NCAPD3: variants seen among roughly 807,000 people sequenced by gnomAD.
The protein encoded by NCAPD3 is condensin-2 complex subunit D3.
A neutral mutation model predicts 182.9 loss-of-function variants in NCAPD3; 105 were observed. The ratio of observed to expected loss-of-function variants is 0.57; its 90% CI spans 0.49 to 0.68. The LOEUF is 0.68. Ranked by LOEUF, NCAPD3 falls within the 30% of genes least tolerant of loss-of-function variation. NCAPD3 has a pLI of 0.00. For synonymous variants in NCAPD3, 815 were observed against 679.9 expected (o/e 1.20, Z -3.09); for missense variants, 1,944 against 1,837.0 (o/e 1.06, Z -1.07).
chr11:134,216,110 G>A (rs903254669), intron 3 of NCAPD3, among the ~76,000 whole-genome samples: 14 of 152,062 alleles, frequency 9.2e-5, no homozygotes, highest in African/African-American at 3.4e-4. Context: ...AGTTACAACC[G>A]AGACACTGCT....
rs778069813 is a variant in NCAPD3 at position 134,168,499 on chromosome 11, T to C, written c.3343A>G (p.Ile1115Val). ...EHFTDEQRFN[I>V]TSKICLSILA... Reference sequence around the variant, plus strand: ...ATACTAAGGCAGATTTTGGAAGTGATGTTGAATCGCTGTTCATCTGTGAAG... The same window carrying C: ...ATACTAAGGCAGATTTTGGAAGTGACGTTGAATCGCTGTTCATCTGTGAAG... The change falls in exon 26 of 35, where the codon ATC (isoleucine) becomes GTC (valine). Residue 1115 changes from isoleucine (I) to valine (V), a missense_variant. Physicochemically the swap from Ile to Val is conservative, Grantham distance 29. This residue lies in a region of NCAPD3 where 1,803 missense variants were observed against 1,674.6 expected (regional missense o/e 1.08). Transcript: ENST00000534548. The C allele has an allele frequency of 3.1e-6, 5 of 1,614,130 alleles. No homozygotes were observed. The highest frequency in any genetic ancestry group is 1.1e-5 in the South Asian group (1 of 91,094).
In NCAPD3 at chr11:134,152,849, G is replaced by T. The variant is rs923369884; in HGVS notation, c.*95C>A. The T allele has an allele frequency of 3.0e-6, 3 of 994,560 alleles. No individual in the cohort carries two copies. The highest frequency in any genetic ancestry group is 1.6e-5 in the South Asian group (1 of 61,504). The allele number at this position is 994,560 out of a possible 1,614,324, so 61.6% of individuals were successfully genotyped here. A position where few individuals can be genotyped will look rare whatever the true frequency, so the allele number is the denominator to read the frequency against. Reference sequence around the variant, plus strand: ...GTTCCACAGCAAAGCGCTGCCCAAGGACTGCGGGAAGTGATCCAGCTGCCT... The same window carrying T: ...GTTCCACAGCAAAGCGCTGCCCAAGTACTGCGGGAAGTGATCCAGCTGCCT... On this transcript the variant is annotated 3_prime_UTR_variant, in exon 35 of 35. Transcript: ENST00000534548.
intron 27 of NCAPD3, among the ~76,000 whole-genome samples, chr11:134,164,786 T>A (rs889107057): frequency 1.4e-5 from 2 of 138,440 alleles, no homozygotes; most frequent in Non-Finnish European, 3.1e-5. Flanking sequence ...TGCACACTCG[T>A]GAAATGAACT....
At chr11:134,197,925 G>A (rs1038349093) in intron 13 of NCAPD3, among the ~76,000 whole-genome samples, 29 of 152,136 alleles carry the variant, frequency 1.9e-4, no homozygotes, top group Non-Finnish European at 4.1e-4. Context: ...AGCTAACGTC[G>A]TACTCAGCGG....
At chr11:134,153,741 C>T in intron 32 of NCAPD3, 1 of 277,922 alleles carries the variant, frequency 3.6e-6, no homozygotes. Context: ...AACTCCTTGC[C>T]TCTGCACCTC....
chr11:134,222,892 T>A (rs927315492), intron 1 of NCAPD3, among the ~76,000 whole-genome samples: 4 of 152,214 alleles, frequency 2.6e-5, no homozygotes, highest in African/African-American at 9.7e-5. Context: ...ATGTGGCAAG[T>A]ACAAATTTAT....
rs1015425310 is a variant in NCAPD3 at position 134,194,222 on chromosome 11, G to A, written c.1690-72C>T. 3 of 1,468,350 alleles carry A rather than the reference G, an allele frequency of 2.0e-6. No individual in the cohort carries two copies. The South Asian group carries it at 3.9e-5, about 19-fold the overall frequency. 91.0% of individuals were successfully genotyped at this position (1,468,350 alleles called of 1,614,324 possible). On this transcript the variant is annotated intron_variant, in intron 14 of 34. Coordinates refer to ENST00000534548, the MANE Select transcript of NCAPD3 (RefSeq NM_015261.3). ...CTCACAAAGATAAACTGTTAACAAA[G>A]GAACACTTCCTTTAAGTTTGTGGTT...
In NCAPD3 at chr11:134,178,581, C is replaced by CAG. The variant is rs1944222043; in HGVS notation, c.2782+52_2782+53insCT. On this transcript the variant is annotated intron_variant, in intron 22 of 34. Transcript: ENST00000534548. Reference sequence around the variant, plus strand: ...GTCCCATGGCTGGGCTTACTTAAGACAACAGCTACACACAGAACGATGTCA... The same window carrying CAG: ...GTCCCATGGCTGGGCTTACTTAAGACAGAACAGCTACACACAGAACGATGTCA... The CAG allele has an allele frequency of 2.6e-5, 36 of 1,371,248 alleles. 1 individual carries two copies. The South Asian group carries it at 5.3e-4, about 20-fold the overall frequency. 84.9% of individuals were successfully genotyped at this position (1,371,248 alleles called of 1,614,324 possible). A position where few individuals can be genotyped will look rare whatever the true frequency, so the allele number is the denominator to read the frequency against.
chr11:134,172,112 T>C (rs1944020607), intron 24 of NCAPD3, among the ~76,000 whole-genome samples: 1 of 151,870 alleles, frequency 6.6e-6, no homozygotes, highest in South Asian at 2.1e-4. Context: ...GTGCGGAGAG[T>C]GTGGGCTGGC....
chr11:134,188,600 C>T (rs1182604724), intron 16 of NCAPD3, among the ~76,000 whole-genome samples: 1 of 152,078 alleles, frequency 6.6e-6, no homozygotes, highest in African/African-American at 2.4e-5. Context: ...ACAAACAACT[C>T]CGGATGTGCC....
At chr11:134,194,227 A>G in intron 14 of NCAPD3, 77 bp from the exon 15 acceptor site, 2 of 1,411,016 alleles carry the variant, frequency 1.4e-6, no homozygotes, top group Non-Finnish European at 1.9e-6. Flanking sequence ...ACAAAGGAAC[A>G]CTTCCTTTAA....
At chr11:134,158,176 C>T (rs1943478872) in intron 30 of NCAPD3, 109 bp from the exon 31 acceptor site, 1 of 1,521,982 alleles carries the variant, frequency 6.6e-7, no homozygotes, top group Admixed American at 1.8e-5. Flanking sequence ...CCCTCACCAC[C>T]CTCATTCAAA....
chr11:134,188,584 G>A (rs565423353), intron 16 of NCAPD3, among the ~76,000 whole-genome samples: 2 of 152,260 alleles, frequency 1.3e-5, no homozygotes. Flanking sequence ...AAACCCACCA[G>A]GAGGAACAAA....
rs1321877016 is a variant in NCAPD3 at position 134,185,390 on chromosome 11, A to G, written c.2182T>C (p.Ser728Pro). 2 of 1,614,014 alleles carry G rather than the reference A, an allele frequency of 1.2e-6. No individual in the cohort carries two copies. Among genetic ancestry groups the G allele is most frequent in the East Asian group, 4.5e-5 (2 of 44,876 alleles). The change falls in exon 17 of 35, where the codon TCC becomes CCC. Residue 728 changes from serine (S) to proline (P), a missense_variant. Transcript: ENST00000534548. Reference sequence around the variant, plus strand: ...CTGCTGTAGTCCAGCCTGGGTGAGGAGCCAGCAATCTTGGAGAGCAGCATC... The same window carrying G: ...CTGCTGTAGTCCAGCCTGGGTGAGGGGCCAGCAATCTTGGAGAGCAGCATC... ...AWMLLSKIAG[S>P]SPRLDYSRII...
intron 19 of NCAPD3, among the ~76,000 whole-genome samples, chr11:134,182,195 C>G (rs1944313125): frequency 6.6e-6 from 1 of 152,150 alleles, no homozygotes; most frequent in African/African-American, 2.4e-5. Context: ...GGAAAGCTGA[C>G]AAGGCCACCC....
At chr11:134,206,407 T>G (rs189150155) in intron 8 of NCAPD3, among the ~76,000 whole-genome samples, 192 bp downstream of exon 8, 7 of 152,266 alleles carry the variant, frequency 4.6e-5, no homozygotes, top group Non-Finnish European at 8.8e-5. Context: ...TCTTTAACAG[T>G]GCCCCAGCTG....
chr11:134,222,343 T>C (rs1438676179), intron 1 of NCAPD3, among the ~76,000 whole-genome samples: 1 of 152,192 alleles, frequency 6.6e-6, no homozygotes, highest in Non-Finnish European at 1.5e-5. Flanking sequence ...TCTAGGGATA[T>C]AAAGATGAAT....
At position 134,159,954 on chromosome 11, in the gene NCAPD3, G is replaced by C. The variant is rs760084596; in HGVS notation, c.3805C>G (p.Leu1269Val). Residue 1269 changes from leucine (L) to valine (V), a missense_variant, in exon 29 of 35, where the codon CTA (leucine) becomes GTA (valine). Physicochemically the swap from Leu to Val is conservative, Grantham distance 32 (BLOSUM62 1). Around this residue, in one of 3 missense-constraint regions of NCAPD3, gnomAD observed 1,803 missense variants for 1,674.6 expected, o/e 1.08. Transcript: ENST00000534548. ...CCGGCCACATCTGCATGTTTTGCTA[G>C]CTCCTGCTCCTGGACCAGCTGTTCC... ...YQEQLVQEQELAKHADVAGTA... is the reference protein window; with the variant it reads ...YQEQLVQEQEVAKHADVAGTA... The C allele has an allele frequency of 7.4e-6, 12 of 1,613,874 alleles. No homozygotes were observed. Among genetic ancestry groups the C allele is most frequent in the East Asian group, 2.2e-5 (1 of 44,884 alleles).
At chr11:134,212,250 G>A (rs1158261352) in intron 3 of NCAPD3, among the ~76,000 whole-genome samples, 2 of 152,126 alleles carry the variant, frequency 1.3e-5, no homozygotes, top group Non-Finnish European at 2.9e-5. Flanking sequence ...TATAAAAGCT[G>A]TTTATCTTGT....
Sources: gnomAD v4.1 joint callset for allele counts (sites outside exome capture counted in the v4.1 genomes callset) on GRCh38, gnomAD v4.1.1 for gene constraint, gnomAD v4.1.1 regional missense constraint, MANE v1.5 for transcripts, NCBI Gene and HGNC (gene_info 2026-07-23, HGNC 2026-07-21) for gene names.